Variants in LRP6 observed in about 807,000 individuals in gnomAD.
LRP6 encodes low-density lipoprotein receptor-related protein 6.
A neutral mutation model predicts 184.1 loss-of-function variants in LRP6; 43 were observed. The observed-to-expected ratio is 0.23, with a 90% confidence interval of 0.18 to 0.30. The LOEUF (loss-of-function observed/expected upper bound fraction) is 0.30, where lower values mean the gene tolerates loss of function less well. Among genes scored for constraint, LRP6 ranks in the 10% least tolerant of loss-of-function variants. The pLI is 1.00. For synonymous variants in LRP6, 719 were observed against 684.9 expected (o/e 1.05, Z -0.78); for missense variants, 1,571 against 2,005.3 (o/e 0.78, Z 4.14).
chr12:12,240,067 G>A (rs879674127), intron 2 of LRP6, among the ~76,000 whole-genome samples: 3 of 150,624 alleles, frequency 2.0e-5, no homozygotes, highest in Admixed American at 6.6e-5. Context: ...CACACACCAC[G>A]AGTTTGTTGT....
In LRP6 at chr12:12,131,995, C is replaced by T. The variant is rs1949766843; in HGVS notation, c.3796G>A (p.Val1266Met). Residue 1266 changes from valine to methionine, a missense_variant, in exon 18 of 23, where the codon GTG becomes ATG. Physicochemically the swap from Val to Met is conservative, Grantham distance 21 (BLOSUM62 1). This residue lies in a region of LRP6 where 763 missense variants were observed against 859.5 expected (regional missense o/e 0.89). Transcript: ENST00000261349. ...GTAAACCCATCGCACCGCCAAGCCACAGGGATACAGTCAATTTCCCCCGTG... is the reference window on the plus strand; with the variant it reads ...GTAAACCCATCGCACCGCCAAGCCATAGGGATACAGTCAATTTCCCCCGTG... ...CFTGEIDCIP[V>M]AWRCDGFTEC... 1 of 1,614,016 alleles carries T rather than the reference C, an allele frequency of 6.2e-7. No homozygotes were observed. The highest frequency in any genetic ancestry group is 1.7e-5 in the Admixed American group (1 of 59,998).
At chr12:12,189,086 T>TA (rs1863550448) in intron 3 of LRP6, among the ~76,000 whole-genome samples, 1 of 152,202 alleles carries the variant, frequency 6.6e-6, no homozygotes, top group Non-Finnish European at 1.5e-5. Context: ...TCTACTGAAC[T>TA]AAACATAGGA....
intron 3 of LRP6, among the ~76,000 whole-genome samples, chr12:12,190,253 C>A (rs913583026): frequency 1.3e-5 from 2 of 152,144 alleles, no homozygotes; most frequent in Non-Finnish European, 2.9e-5. Context: ...ACCTCCTGAT[C>A]CCCATCTGGA....
At chr12:12,232,290 A>G (rs2096290166) in intron 2 of LRP6, among the ~76,000 whole-genome samples, 1 of 151,844 alleles carries the variant, frequency 6.6e-6, no homozygotes, top group African/African-American at 2.4e-5. Flanking sequence ...AGGCTGAGGC[A>G]GAAGAGTGTC....
intron 2 of LRP6, among the ~76,000 whole-genome samples, chr12:12,221,152 C>T (rs1864478184): frequency 1.3e-5 from 2 of 152,178 alleles, no homozygotes; most frequent in Non-Finnish European, 2.9e-5. Flanking sequence ...TCTTTCTGTA[C>T]ACACATTTAA....
intron 2 of LRP6, among the ~76,000 whole-genome samples, chr12:12,227,468 C>T (rs1288536976): frequency 6.6e-6 from 1 of 150,586 alleles, no homozygotes; most frequent in East Asian, 1.9e-4. Context: ...GGTGCAACAG[C>T]GCAATCTCGC....
chr12:12,175,981 C>T (rs1221748575), intron 7 of LRP6, among the ~76,000 whole-genome samples: 1 of 151,292 alleles, frequency 6.6e-6, no homozygotes, highest in African/African-American at 2.4e-5. Flanking sequence ...AGAAGTACTA[C>T]AGGCCCTCAG....
intron 4 of LRP6, among the ~76,000 whole-genome samples, chr12:12,185,133 T>C (rs1177511496): frequency 6.6e-6 from 1 of 152,054 alleles, no homozygotes; most frequent in Non-Finnish European, 1.5e-5. Context: ...ACCCTACCTC[T>C]ATAAAAAATA....
At chr12:12,258,299 T>C (rs950433606) in intron 1 of LRP6, among the ~76,000 whole-genome samples, 2 of 152,138 alleles carry the variant, frequency 1.3e-5, no homozygotes, top group African/African-American at 4.8e-5. Flanking sequence ...TAATTTTTTA[T>C]AGATGTTTCC....
intron 15 of LRP6, among the ~76,000 whole-genome samples, chr12:12,139,701 C>G (rs931091972): frequency 2.0e-5 from 3 of 150,442 alleles, no homozygotes; most frequent in Admixed American, 2.0e-4. Flanking sequence ...GCCTGGGTGA[C>G]AGAGTGAGAC....
chr12:12,169,606 G>T (rs1309923678), intron 7 of LRP6, among the ~76,000 whole-genome samples: 1 of 152,132 alleles, frequency 6.6e-6, no homozygotes, highest in African/African-American at 2.4e-5. Flanking sequence ...CTCAACAAAG[G>T]TATTAACAAT....
intron 22 of LRP6, among the ~76,000 whole-genome samples, chr12:12,124,247 T>A (rs1381325516): frequency 6.6e-6 from 1 of 152,204 alleles, no homozygotes; most frequent in East Asian, 1.9e-4. Context: ...GTAGCGCAGG[T>A]CTGTAATCCC....
intron 1 of LRP6, among the ~76,000 whole-genome samples, chr12:12,256,910 T>C (rs1414896097): frequency 6.6e-6 from 1 of 152,226 alleles, no homozygotes; most frequent in African/African-American, 2.4e-5. Context: ...AAGTATTTAA[T>C]ATATCCATAC....
chr12:12,149,159 G>T lies in LRP6; in HGVS notation c.2995-6C>A. ...CTCACAACCACAGTAAAGCCCTAGG[G>T]AAAAAAAGAAATACAGAGAAAATTA... On this transcript the variant is annotated splice_polypyrimidine_tract_variant and splice_region_variant and intron_variant, in intron 13 of 22. Transcript: ENST00000261349. 1.2e-6 allele frequency: 2 copies of T among 1,611,688 alleles called. No individual in the cohort carries two copies. Among genetic ancestry groups the T allele is most frequent in the Non-Finnish European group, 1.7e-6 (2 of 1,178,086 alleles).
chr12:12,243,994 G>A (rs1357269601), intron 2 of LRP6, among the ~76,000 whole-genome samples: 1 of 152,114 alleles, frequency 6.6e-6, no homozygotes, highest in Admixed American at 6.6e-5. Context: ...TGAAATGGGA[G>A]GATCACTTCA....
intron 13 of LRP6, 133 bp downstream of exon 13, chr12:12,150,703 T>C (rs7979485): frequency 1.1e-6 from 1 of 890,186 alleles, no homozygotes; most frequent in Middle Eastern, 3.2e-4. Flanking sequence ...AATAAGCTAC[T>C]AGGTCCAGAA....
intron 15 of LRP6, 103 bp from the exon 16 acceptor site, chr12:12,138,637 G>T (rs1219494019): frequency 4.5e-6 from 5 of 1,117,760 alleles, no homozygotes; most frequent in Admixed American, 2.5e-5. Context: ...GTAGAGAAAA[G>T]AAAAAAAAAA....
rs1400968424 is a variant in LRP6, at chr12:12,220,767, T to G, written c.450-17367A>C. Reference sequence around the variant, plus strand: ...GAGTGCGCCACCACACCCGGTTAATTTTTTCTATTTTTAGGAGACACAGGG... The same window carrying G: ...GAGTGCGCCACCACACCCGGTTAATGTTTTCTATTTTTAGGAGACACAGGG... On this transcript the variant is annotated intron_variant, in intron 2 of 22. Coordinates refer to ENST00000261349, the MANE Select transcript of LRP6 (RefSeq NM_002336.3). Among the ~76,000 whole-genome samples, 3 of 151,834 alleles carry G rather than the reference T, an allele frequency of 2.0e-5. No homozygotes were observed. In the East Asian group the frequency reaches 5.8e-4, roughly 29 times the overall value.
chr12:12,211,284 A>C (rs1430136311), intron 2 of LRP6, among the ~76,000 whole-genome samples: 1 of 152,180 alleles, frequency 6.6e-6, no homozygotes, highest in Admixed American at 6.5e-5. Context: ...TTGACTAAAA[A>C]TACAAAAATT....
Sources: gnomAD v4.1 joint callset for allele counts (sites outside exome capture counted in the v4.1 genomes callset) on GRCh38, gnomAD v4.1.1 for gene constraint, gnomAD v4.1.1 regional missense constraint, MANE v1.5 for transcripts, NCBI Gene and HGNC (gene_info 2026-07-23, HGNC 2026-07-21) for gene names.